The following EXOC4 variants were observed in gnomAD, a reference collection of about 807,000 sequenced individuals.
EXOC4 encodes SEC8-like 1.
Under a neutral mutation model 107.2 loss-of-function variants are expected in EXOC4, and 71 were observed. The observed-to-expected ratio is 0.66, with a 90% CI of 0.55 to 0.81. The LOEUF is 0.81. Among genes scored for constraint, EXOC4 ranks in the 30% least tolerant of loss-of-function variants. The pLI is 0.00. For synonymous variants in EXOC4, 456 were observed against 441.2 expected (o/e 1.03, Z -0.42); for missense variants, 1,108 against 1,189.6 (o/e 0.93, Z 1.01).
intron 17 of EXOC4, among the ~76,000 whole-genome samples, chr7:134,028,619 A>C (rs951347823): frequency 3.3e-5 from 5 of 152,202 alleles, no homozygotes; most frequent in African/African-American, 1.2e-4. Flanking sequence ...GCATGGTGCC[A>C]TTGCCAATGC....
At chr7:133,524,160 A>G (rs1157914551) in intron 9 of EXOC4, among the ~76,000 whole-genome samples, 6 of 136,828 alleles carry the variant, frequency 4.4e-5, no homozygotes, top group Non-Finnish European at 6.3e-5. Flanking sequence ...ATGGTATCTC[A>G]TTGTGGTTTT....
At chr7:134,063,936 A>C (rs532078599) in intron 17 of EXOC4, among the ~76,000 whole-genome samples, 29 of 152,262 alleles carry the variant, frequency 1.9e-4, no homozygotes, top group African/African-American at 7.0e-4. Flanking sequence ...ATGAGACAAA[A>C]CCTGTTAACA....
intron 9 of EXOC4, among the ~76,000 whole-genome samples, chr7:133,583,495 G>A (rs1442501677): frequency 1.3e-5 from 2 of 152,176 alleles, no homozygotes; most frequent in African/African-American, 4.8e-5. Flanking sequence ...GCAAGATTTT[G>A]CAGGAGAAAG....
At chr7:133,959,705 G>GA (rs569317132) in intron 14 of EXOC4, among the ~76,000 whole-genome samples, 3,593 of 143,328 alleles carry the variant, frequency 0.025, 55 homozygotes, top group Middle Eastern at 0.036. Flanking sequence ...ACTGTCAGAA[G>GA]AAAAAAAAAA....
chr7:134,056,874 G>A (rs1242889560), intron 17 of EXOC4, among the ~76,000 whole-genome samples: 3 of 152,124 alleles, frequency 2.0e-5, no homozygotes, highest in Non-Finnish European at 2.9e-5. Context: ...TCATCTCAAC[G>A]GTGATGGGAA....
intron 11 of EXOC4, among the ~76,000 whole-genome samples, chr7:133,879,484 A>T (rs988282850): frequency 1.3e-5 from 2 of 152,196 alleles, no homozygotes; most frequent in Admixed American, 1.3e-4. Context: ...GCTGAAATAT[A>T]ATTCCTACTT....
intron 12 of EXOC4, among the ~76,000 whole-genome samples, chr7:133,896,821 A>G (rs529596994): frequency 3.0e-5 from 3 of 98,954 alleles, no homozygotes; most frequent in Non-Finnish European, 5.6e-5. Context: ...GCGCGCCACC[A>G]TGTCTGGCTA....
At chr7:133,808,001 T>C (rs1797119817) in intron 10 of EXOC4, among the ~76,000 whole-genome samples, 1 of 152,184 alleles carries the variant, frequency 6.6e-6, no homozygotes, top group African/African-American at 2.4e-5. Context: ...TCTCCCTTTA[T>C]TTAATGATTT....
At chr7:133,654,907 T>G (rs931004121) in intron 10 of EXOC4, among the ~76,000 whole-genome samples, 7 of 152,092 alleles carry the variant, frequency 4.6e-5, no homozygotes, top group Non-Finnish European at 7.4e-5. Flanking sequence ...TGTTTAAACA[T>G]CTAAATATAG....
intron 10 of EXOC4, among the ~76,000 whole-genome samples, chr7:133,781,810 C>T (rs1796474368): frequency 6.6e-6 from 1 of 152,206 alleles, no homozygotes; most frequent in Non-Finnish European, 1.5e-5. Context: ...GGACTTACAA[C>T]TCTTAATGCC....
chr7:133,670,804 A>G (rs539822202), intron 10 of EXOC4, among the ~76,000 whole-genome samples: 10 of 152,352 alleles, frequency 6.6e-5, no homozygotes, highest in Non-Finnish European at 1.5e-4. Context: ...AACAGTATTT[A>G]TTTAGTTCCT....
chr7:133,548,357 G>T (rs1456390916), intron 9 of EXOC4, among the ~76,000 whole-genome samples: 1 of 152,096 alleles, frequency 6.6e-6, no homozygotes, highest in Non-Finnish European at 1.5e-5. Flanking sequence ...AATGGTAAAT[G>T]AGCATTAGCT....
chr7:133,870,442 T>C (rs1798728108), intron 11 of EXOC4, among the ~76,000 whole-genome samples: 1 of 152,212 alleles, frequency 6.6e-6, no homozygotes, highest in Non-Finnish European at 1.5e-5. Context: ...ATATTTGACT[T>C]TTTCTTCTCT....
chr7:133,787,951 A>ATTTTT (rs1562997490), intron 10 of EXOC4, among the ~76,000 whole-genome samples: 1 of 13,382 alleles, frequency 7.5e-5, no homozygotes, highest in African/African-American at 1.5e-4. Flanking sequence ...CCCTGTGCAT[A>ATTTTT]TATTTATATA....
intron 7 of EXOC4, among the ~76,000 whole-genome samples, chr7:133,419,499 T>C (rs2150756494): frequency 6.6e-6 from 1 of 152,164 alleles, no homozygotes; most frequent in East Asian, 1.9e-4. Context: ...AGGGATAAAA[T>C]CTGTATGATG....
chr7:133,997,778 G>A, intron 15 of EXOC4, 145 bp downstream of exon 15: 2 of 967,982 alleles, frequency 2.1e-6, no homozygotes, highest in South Asian at 1.7e-5. Context: ...ATTTTTAGCT[G>A]TATTCAGTGA....
At chr7:133,946,952 C>T (rs1800565887) in intron 14 of EXOC4, among the ~76,000 whole-genome samples, 1 of 152,162 alleles carries the variant, frequency 6.6e-6, no homozygotes, top group South Asian at 2.1e-4. Context: ...CCTTGTCTTC[C>T]TATTAATTCA....
chr7:133,757,419 T>C (rs1237983371), intron 10 of EXOC4, among the ~76,000 whole-genome samples: 2 of 152,266 alleles, frequency 1.3e-5, no homozygotes, highest in Non-Finnish European at 2.9e-5. Flanking sequence ...GTCATGAGTA[T>C]GCTTCAGCTT....
intron 10 of EXOC4, among the ~76,000 whole-genome samples, chr7:133,686,019 A>G (rs1473295268): frequency 6.6e-6 from 1 of 152,122 alleles, no homozygotes; most frequent in East Asian, 1.9e-4. Flanking sequence ...AATTCTATCT[A>G]TGTTGCTGCA....
Sources: allele counts gnomAD v4.1 joint callset (sites outside exome capture counted in the v4.1 genomes callset), GRCh38; gene constraint gnomAD v4.1.1; transcripts MANE v1.5; gene names NCBI Gene and HGNC (gene_info 2026-07-23, HGNC 2026-07-21).